IKZF3: variants seen among roughly 807,000 people sequenced by gnomAD.
IKZF3 encodes zinc finger protein Aiolos.
Under a neutral mutation model 49.0 loss-of-function variants are expected in IKZF3, and 10 were observed. The ratio of observed to expected loss-of-function variants is 0.20; its 90% CI spans 0.13 to 0.35. IKZF3 has a LOEUF of 0.35. IKZF3 is among the 10% of genes least tolerant of loss of function. The pLI, the probability that IKZF3 is intolerant of heterozygous loss-of-function variation, is 1.00. For missense variants in IKZF3, 498 were observed against 664.8 expected (o/e 0.75, Z 2.76); for synonymous variants, 209 against 228.2 (o/e 0.92, Z 0.76).
intron 3 of IKZF3, among the ~76,000 whole-genome samples, chr17:39,820,293 T>C (rs2061774401): frequency 6.6e-6 from 1 of 152,120 alleles, no homozygotes; most frequent in African/African-American, 2.4e-5. Flanking sequence ...GAGATCTGAG[T>C]AACAGAGTAA....
intron 3 of IKZF3, among the ~76,000 whole-genome samples, chr17:39,812,556 G>A (rs534799641): frequency 6.6e-6 from 1 of 152,296 alleles, no homozygotes; most frequent in East Asian, 1.9e-4. Context: ...AAGCAGCTAT[G>A]AGCTGATTCT....
At chr17:39,791,326 G>T in intron 5 of IKZF3, 90 bp downstream of exon 5, 1 of 1,364,118 alleles carries the variant, frequency 7.3e-7, no homozygotes, top group Non-Finnish European at 1.0e-6. Context: ...ATGACAGATT[G>T]AAACCTTCCT....
chr17:39,789,151 CG>C (rs1443870906), intron 5 of IKZF3, among the ~76,000 whole-genome samples: 1 of 152,084 alleles, frequency 6.6e-6, no homozygotes, highest in Non-Finnish European at 1.5e-5. Flanking sequence ...AAAAATAGGC[CG>C]GGCGCAGTGG....
rs978591750 is a variant in IKZF3 at position 39,763,286 on chromosome 17, C to T, written c.*2504G>A. ...GCCATTTGTGCAGTCTGAGGTGGAACATTTTAATTACTGGCAGCACATAGA... is the reference window on the plus strand; with the variant it reads ...GCCATTTGTGCAGTCTGAGGTGGAATATTTTAATTACTGGCAGCACATAGA... On this transcript the variant is annotated 3_prime_UTR_variant, in exon 8 of 8. Transcript: ENST00000346872. 6.6e-6 allele frequency: 1 copy of T among 152,164 alleles called. No individual in the cohort carries two copies. The highest frequency in any genetic ancestry group is 2.4e-5 in the African/African-American group (1 of 41,422). 9.4% of individuals were successfully genotyped at this position (152,164 alleles called of 1,614,324 possible). A position where few individuals can be genotyped will look rare whatever the true frequency, so the allele number is the denominator to read the frequency against.
At chr17:39,801,288 T>G (rs1286550584) in intron 3 of IKZF3, among the ~76,000 whole-genome samples, 2 of 151,186 alleles carry the variant, frequency 1.3e-5, no homozygotes, top group Non-Finnish European at 3.0e-5. Context: ...TGCCACTGAT[T>G]TGCTATGCCA....
chr17:39,786,773 A>G (rs767555897), intron 6 of IKZF3, among the ~76,000 whole-genome samples: 4 of 151,944 alleles, frequency 2.6e-5, no homozygotes, highest in Non-Finnish European at 5.9e-5. Flanking sequence ...TGTTTTTTAT[A>G]AGGGGGTAAA....
At chr17:39,824,903 G>A (rs2144240094) in intron 3 of IKZF3, among the ~76,000 whole-genome samples, 1 of 152,106 alleles carries the variant, frequency 6.6e-6, no homozygotes, top group Admixed American at 6.5e-5. Context: ...CACCATGTTA[G>A]CCAGGATGAT....
intron 1 of IKZF3, among the ~76,000 whole-genome samples, chr17:39,850,887 C>G (rs112923124): frequency 2.1e-4 from 22 of 106,258 alleles, no homozygotes; most frequent in Non-Finnish European, 4.0e-4. Context: ...ATAATATACT[C>G]TATAGTATAT....
chr17:39,836,088 G>A (rs2062271259), intron 1 of IKZF3: 3 of 660,616 alleles, frequency 4.5e-6, no homozygotes, highest in Non-Finnish European at 5.5e-6. Context: ...CCGCGATGAA[G>A]GGGGCAAACT....
chr17:39,852,964 A>G (rs528861758), intron 1 of IKZF3, among the ~76,000 whole-genome samples: 1 of 151,864 alleles, frequency 6.6e-6, no homozygotes, highest in African/African-American at 2.4e-5. Context: ...GAGTGAGACT[A>G]CATCTCAAAA....
chr17:39,803,757 C>T (rs939529256), intron 3 of IKZF3, among the ~76,000 whole-genome samples: 8 of 152,222 alleles, frequency 5.3e-5, no homozygotes, highest in African/African-American at 1.9e-4. Context: ...AGATGATCCG[C>T]CCACCTCGGC....
chr17:39,854,057 C>T (rs1471126697), intron 1 of IKZF3, among the ~76,000 whole-genome samples: 7 of 151,962 alleles, frequency 4.6e-5, no homozygotes, highest in South Asian at 4.1e-4. Context: ...ACCTGGGAGG[C>T]GGAGGTTGCA....
chr17:39,806,620 C>T (rs144290935), intron 3 of IKZF3, among the ~76,000 whole-genome samples: 23 of 152,102 alleles, frequency 1.5e-4, no homozygotes, highest in South Asian at 4.2e-4. Context: ...AAAATGGAAC[C>T]CTCATCCGTT....
chr17:39,860,136 G>A (rs966976327), intron 1 of IKZF3, among the ~76,000 whole-genome samples: 4 of 152,154 alleles, frequency 2.6e-5, no homozygotes, highest in African/African-American at 2.4e-5. Flanking sequence ...GGTTATGGTG[G>A]TGGATGCCTG....
intron 5 of IKZF3, 151 bp downstream of exon 5, chr17:39,791,265 T>G: frequency 1.4e-6 from 1 of 695,682 alleles, no homozygotes; most frequent in Non-Finnish European, 2.4e-6. Flanking sequence ...GCCTTAATGG[T>G]CGTGTAATTA....
chr17:39,842,631 G>A (rs2080807094), intron 1 of IKZF3, among the ~76,000 whole-genome samples: 1 of 152,048 alleles, frequency 6.6e-6, no homozygotes, highest in South Asian at 2.1e-4. Flanking sequence ...AGAAATTCAT[G>A]AGTACATTCT....
At chr17:39,777,933 G>A (rs969425972) in intron 6 of IKZF3, 166 bp from the exon 7 acceptor site, 1 of 1,339,228 alleles carries the variant, frequency 7.5e-7, no homozygotes, top group African/African-American at 1.5e-5. Flanking sequence ...TGTGGTCAGT[G>A]AAGCCGACAC....
intron 3 of IKZF3, among the ~76,000 whole-genome samples, chr17:39,817,569 G>C (rs2061705425): frequency 6.6e-6 from 1 of 152,108 alleles, no homozygotes; most frequent in Non-Finnish European, 1.5e-5. Flanking sequence ...CTCTTGAGTA[G>C]CTGGGACTAC....
chr17:39,830,307 T>G (rs1172716594), intron 2 of IKZF3, among the ~76,000 whole-genome samples: 1 of 152,236 alleles, frequency 6.6e-6, no homozygotes, highest in Non-Finnish European at 1.5e-5. Flanking sequence ...GTTTCTTTAT[T>G]TGTTTGAACA....
Sources: allele counts gnomAD v4.1 joint callset (sites outside exome capture counted in the v4.1 genomes callset), GRCh38; gene constraint gnomAD v4.1.1; transcripts MANE v1.5; gene names NCBI Gene and HGNC (gene_info 2026-07-23, HGNC 2026-07-21).